The following SLC25A21 variants were observed in gnomAD, a reference collection of about 807,000 sequenced individuals.
SLC25A21 encodes the protein mitochondrial 2-oxodicarboxylate carrier.
A neutral mutation model predicts 43.8 loss-of-function variants in SLC25A21; 47 were observed. The ratio of observed to expected loss-of-function variants is 1.07; its 90% CI spans 0.85 to 1.37. The LOEUF is 1.37. Ranked by LOEUF, SLC25A21 falls within the 40% of genes most tolerant of loss-of-function variation. The probability of loss-of-function intolerance (pLI) is 0.00; values close to 1 mark genes in which losing one functional copy is unlikely to be tolerated. For missense variants in SLC25A21, 352 were observed against 350.2 expected (o/e 1.00, Z -0.04); for synonymous variants, 131 against 121.3 (o/e 1.08, Z -0.52).
chr14:36,820,099 C>T (rs935803498), intron 2 of SLC25A21, among the ~76,000 whole-genome samples: 1 of 152,084 alleles, frequency 6.6e-6, no homozygotes, highest in African/African-American at 2.4e-5. Flanking sequence ...TTCCAAGCCA[C>T]CCCTTTGGCA....
intron 1 of SLC25A21, among the ~76,000 whole-genome samples, chr14:36,915,501 A>G (rs895280535): frequency 1.3e-5 from 2 of 148,808 alleles, no homozygotes; most frequent in African/African-American, 5.2e-5. Flanking sequence ...CCAGAAAATA[A>G]TACTGTCCAT....
intron 1 of SLC25A21, among the ~76,000 whole-genome samples, chr14:37,083,258 A>G (rs1234383547): frequency 1.3e-5 from 2 of 152,224 alleles, no homozygotes; most frequent in African/African-American, 4.8e-5. Context: ...TCAGTCAACA[A>G]GCATTAAGAG....
intron 3 of SLC25A21, among the ~76,000 whole-genome samples, chr14:36,793,358 A>T (rs574920559): frequency 1.3e-5 from 2 of 152,240 alleles, no homozygotes; most frequent in Non-Finnish European, 2.9e-5. Context: ...ACACATGAAT[A>T]ATGGAAAAAT....
At chr14:36,875,887 T>C (rs888602159) in intron 1 of SLC25A21, among the ~76,000 whole-genome samples, 1 of 152,192 alleles carries the variant, frequency 6.6e-6, no homozygotes, top group South Asian at 2.1e-4. Flanking sequence ...TATTAGGTAC[T>C]AGTAGTTGTA....
At chr14:37,141,041 G>T (rs1963561814) in intron 1 of SLC25A21, among the ~76,000 whole-genome samples, 1 of 152,134 alleles carries the variant, frequency 6.6e-6, no homozygotes, top group African/African-American at 2.4e-5. Flanking sequence ...AGTTACTTGG[G>T]AGACTGAGTC....
At chr14:36,728,316 T>C (rs1380112715) in intron 5 of SLC25A21, among the ~76,000 whole-genome samples, 1 of 152,226 alleles carries the variant, frequency 6.6e-6, no homozygotes, top group Non-Finnish European at 1.5e-5. Context: ...TCCAAAGACC[T>C]ACAGTTTCTC....
intron 7 of SLC25A21, among the ~76,000 whole-genome samples, chr14:36,689,607 ACATTCCTG>A (rs1274056431): frequency 7.2e-5 from 11 of 152,190 alleles, no homozygotes; most frequent in Non-Finnish European, 7.3e-5. Flanking sequence ...ATTTCCACAC[ACATTCCTG>A]CTCTGGAGTC....
intron 1 of SLC25A21, among the ~76,000 whole-genome samples, chr14:37,164,962 A>G (rs2138954546): frequency 6.6e-6 from 1 of 152,370 alleles, no homozygotes; most frequent in East Asian, 1.9e-4. Flanking sequence ...TGTTTAGTGC[A>G]AGATTGGAAA....
intron 1 of SLC25A21, among the ~76,000 whole-genome samples, chr14:36,990,692 C>T (rs1056930500): frequency 5.3e-5 from 8 of 151,990 alleles, no homozygotes; most frequent in Admixed American, 2.6e-4. Flanking sequence ...GCTGGGGCAA[C>T]GTAGTAAGAC....
At chr14:37,131,737 A>C (rs115620098) in intron 1 of SLC25A21, among the ~76,000 whole-genome samples, 120 of 152,242 alleles carry the variant, frequency 7.9e-4, no homozygotes, top group African/African-American at 2.6e-3. Context: ...TGCAGTGATG[A>C]AAACACAGCT....
intron 2 of SLC25A21, chr14:36,828,743 C>G (rs1888927393): frequency 1.3e-5 from 2 of 152,358 alleles, no homozygotes; most frequent in African/African-American, 2.4e-5. Flanking sequence ...CCTCCTGGTC[C>G]TCGTTCTTCC....
rs929293723 is a variant in SLC25A21, at chr14:36,825,092, A to G, written c.120-11091T>C. Among the ~76,000 whole-genome samples the G allele has an allele frequency of 2.6e-5, 4 of 152,324 alleles. No individual in the cohort carries two copies. The East Asian group carries it at 7.7e-4, about 29-fold the overall frequency. On this transcript the variant is annotated intron_variant, in intron 2 of 9. Coordinates refer to ENST00000331299, the MANE Select transcript of SLC25A21 (RefSeq NM_030631.4). ...TAGCCTTCTCTTCATAGCTAACTGC[A>G]TCGATACATTCTGGACAACAACAAC...
chr14:36,822,099 A>G (rs544597130), intron 2 of SLC25A21, among the ~76,000 whole-genome samples: 16 of 152,318 alleles, frequency 1.1e-4, no homozygotes, highest in African/African-American at 2.6e-4. Context: ...AGGAGATGTT[A>G]GTAATTAACT....
chr14:36,971,660 T>C (rs1959753029), intron 1 of SLC25A21, among the ~76,000 whole-genome samples: 1 of 152,070 alleles, frequency 6.6e-6, no homozygotes, highest in Non-Finnish European at 1.5e-5. Flanking sequence ...TCCTCTCTCC[T>C]TTCTTCTGCC....
chr14:37,165,257 A>G (rs1015759990), intron 1 of SLC25A21, among the ~76,000 whole-genome samples: 1 of 152,098 alleles, frequency 6.6e-6, no homozygotes, highest in African/African-American at 2.4e-5. Context: ...GGTGCCTATA[A>G]TCCCAGCTAC....
intron 1 of SLC25A21, among the ~76,000 whole-genome samples, chr14:36,875,637 T>A (rs986405016): frequency 6.6e-6 from 1 of 152,194 alleles, no homozygotes; most frequent in Non-Finnish European, 1.5e-5. Context: ...GAATGTAGTA[T>A]CCCCATTGTA....
In SLC25A21 at chr14:36,734,552, TC is replaced by T; in HGVS notation, c.224del (p.Gly75GlufsTer15). Reference protein sequence around the residue: ...QMEGLFGFYKGILPPILAETP... With the variant: ...QMEGLFGFYKXILPPILAETP... ...TTTCAGCCAAGATAGGTGGCAGAAT[TC>T]CCTTGTAAAAACCAAATAACCTGTT... On this transcript the variant is annotated frameshift_variant, in exon 4 of 10. Coordinates refer to ENST00000331299, the MANE Select transcript of SLC25A21 (RefSeq NM_030631.4). LOFTEE classifies it high-confidence loss of function. The T allele has an allele frequency of 2.5e-6, 4 of 1,607,236 alleles. No homozygotes were observed. In the South Asian group the frequency reaches 4.5e-5, roughly 18 times the overall value.
intron 3 of SLC25A21, among the ~76,000 whole-genome samples, chr14:36,812,804 A>G (rs1003863396): frequency 3.9e-5 from 6 of 152,160 alleles, no homozygotes; most frequent in African/African-American, 2.4e-5. Context: ...AAGCAGACCT[A>G]GATTTGATTC....
chr14:37,004,712 G>C (rs1021201535), intron 1 of SLC25A21, among the ~76,000 whole-genome samples: 13 of 152,196 alleles, frequency 8.5e-5, no homozygotes, highest in African/African-American at 3.1e-4. Context: ...AGCGTCTCTG[G>C]GAGGGCACAC....
Sources: gnomAD v4.1 joint callset for allele counts (sites outside exome capture counted in the v4.1 genomes callset) on GRCh38, gnomAD v4.1.1 for gene constraint, MANE v1.5 for transcripts, NCBI Gene and HGNC (gene_info 2026-07-23, HGNC 2026-07-21) for gene names.